The following ANKRD28 variants were observed in gnomAD, a reference collection of about 807,000 sequenced individuals.
The protein encoded by ANKRD28 is serine/threonine-protein phosphatase 6 regulatory ankyrin repeat subunit A.
In ANKRD28, 44 loss-of-function variants were observed where a neutral mutation model predicts 126.5. The ratio of observed to expected loss-of-function variants is 0.35; its 90% CI spans 0.27 to 0.45. ANKRD28 has a LOEUF of 0.45. Among genes scored for constraint, ANKRD28 ranks in the 20% least tolerant of loss-of-function variants. The pLI, the probability that ANKRD28 is intolerant of heterozygous loss-of-function variation, is 1.00. For missense variants in ANKRD28, 1,110 were observed against 1,316.6 expected (o/e 0.84, Z 2.43); for synonymous variants, 442 against 468.5 (o/e 0.94, Z 0.73).
intron 3 of ANKRD28, 21 bp downstream of exon 3, chr3:15,766,213 A>G (rs764857852): frequency 6.3e-7 from 1 of 1,578,768 alleles, no homozygotes; most frequent in South Asian, 1.1e-5. Context: ...ATGTGTTCTT[A>G]TTACTCAGAG....
chr3:15,675,203 G>A lies in ANKRD28; in HGVS notation c.2965+695C>T, dbSNP rs553938261. 9.9e-4 allele frequency among the ~76,000 whole-genome samples: 150 copies of A among 152,232 alleles called. 1 individual carries two copies. The highest frequency in any genetic ancestry group is 6.8e-3 in the Middle Eastern group (2 of 294). Reference sequence around the variant, plus strand: ...TGAGAATCGCTTGAACCCAGGAGGCGGAGGTTGCAGTAAGCCGAGATCATG... The same window carrying A: ...TGAGAATCGCTTGAACCCAGGAGGCAGAGGTTGCAGTAAGCCGAGATCATG... On this transcript the variant is annotated intron_variant, in intron 27 of 27. Transcript: ENST00000683139.
At position 15,816,063 on chromosome 3, in the gene ANKRD28, G is replaced by A. The variant is rs754843394; in HGVS notation, c.28-20757C>T. Among the ~76,000 whole-genome samples the A allele has an allele frequency of 6.6e-5, 10 of 152,054 alleles. No homozygotes were observed. The highest frequency in any genetic ancestry group is 1.9e-4 in the African/African-American group (8 of 41,406). ...ATAGTCAAGCTCAAAACAATATCAC[G>A]AGCGTATTTCTGACTGATTGAAAAC... On this transcript the variant is annotated intron_variant, in intron 1 of 27. Transcript: ENST00000399451. This position sits in a 1 kb window ranked among gnomAD's most constrained non-coding sequence, Gnocchi z 5.0.
intron 12 of ANKRD28, 151 bp downstream of exon 12, chr3:15,711,060 T>C (rs1019406429): frequency 1.0e-5 from 6 of 581,182 alleles, no homozygotes; most frequent in Non-Finnish European, 1.5e-5. Flanking sequence ...AAAAAAGTAT[T>C]CTGCCACCCT....
Position 15,694,769 on chromosome 3 carries a change from A to G in ANKRD28, c.1731T>C (p.Asn577=), listed in dbSNP as rs1294917505. 1 of 1,613,536 alleles carries G rather than the reference A, an allele frequency of 6.2e-7. No individual in the cohort carries two copies. The highest frequency in any genetic ancestry group is 8.5e-7 in the Non-Finnish European group (1 of 1,179,514). Residue 577 remains asparagine (N), a synonymous_variant, in exon 17 of 28, where the codon AAT becomes AAC. Coordinates refer to ENST00000683139, the MANE Select transcript of ANKRD28 (RefSeq NM_001349278.2). ...SGTDMLSDSD[N]RATISPLHLA... ...AGTGTAAAGGGCTTATTGTTGCTCT[A>G]TTATCTGAATCACTCAGCATGTCTG...
At chr3:15,809,784 A>G (rs1024097137) in intron 1 of ANKRD28, among the ~76,000 whole-genome samples, 1 of 152,220 alleles carries the variant, frequency 6.6e-6, no homozygotes, top group East Asian at 1.9e-4. Flanking sequence ...TAAATCATAG[A>G]TAAAATGTTG....
chr3:15,736,864 C>T (rs2075053158), intron 5 of ANKRD28, among the ~76,000 whole-genome samples, 169 bp downstream of exon 5: 1 of 152,110 alleles, frequency 6.6e-6, no homozygotes, highest in African/African-American at 2.4e-5. Context: ...GTAGTATCTA[C>T]TACATACATT....
At position 15,720,979 on chromosome 3, in the gene ANKRD28, G is replaced by A. The variant is rs757262381; in HGVS notation, c.932C>T (p.Ala311Val). The A allele has an allele frequency of 1.2e-6, 2 of 1,613,862 alleles. No homozygotes were observed. The highest frequency in any genetic ancestry group is 3.3e-5 in the Admixed American group (2 of 60,002). The part of the protein sequence containing the change: ...KGFTPLHFAA[A>V]STHGALCLEL... ...TAAACACAATGCTCCATGTGTTGAT[G>A]CAGCAGCAAAGTGCAAAGGAGTAAA... The change falls in exon 8 of 28, where the codon GCA becomes GTA. Residue 311 changes from alanine (A) to valine (V), a missense_variant. Transcript: ENST00000683139.
At chr3:15,842,423 C>G (rs1212354007) in intron 1 of ANKRD28, among the ~76,000 whole-genome samples, 1 of 150,270 alleles carries the variant, frequency 6.7e-6, no homozygotes, top group Non-Finnish European at 1.5e-5. Context: ...CCCATCCTTT[C>G]TCAGAGGCTG....
chr3:15,776,568 G>A (rs1365206307), intron 2 of ANKRD28, among the ~76,000 whole-genome samples: 1 of 152,016 alleles, frequency 6.6e-6, no homozygotes, highest in Non-Finnish European at 1.5e-5. Context: ...AAATTATAAA[G>A]AAAACCAGAA....
chr3:15,739,658 A>C (rs2075299480), intron 4 of ANKRD28, among the ~76,000 whole-genome samples: 1 of 152,212 alleles, frequency 6.6e-6, no homozygotes, highest in African/African-American at 2.4e-5. Context: ...GTACATGAAA[A>C]GTGTTAGAAA....
rs749042181 is a variant in ANKRD28, at chr3:15,737,157, A to G, written c.428T>C (p.Ile143Thr). Residue 143 changes from isoleucine (I) to threonine (T), a missense_variant, in exon 5 of 28, where the codon ATA becomes ACA. Physicochemically the swap from Ile to Thr is moderately conservative, Grantham distance 89. Transcript: ENST00000683139. ...RDKNWQTPLHIAAANKAVKCA... is the reference protein window; with the variant it reads ...RDKNWQTPLHTAAANKAVKCA... ...CTTTACAGCTTTATTAGCAGCAGCTATATGTAAAGGGGTTTGCCAATTTTT... is the reference window on the plus strand; with the variant it reads ...CTTTACAGCTTTATTAGCAGCAGCTGTATGTAAAGGGGTTTGCCAATTTTT... 3.1e-6 allele frequency: 5 copies of G among 1,614,036 alleles called. No homozygotes were observed. Among genetic ancestry groups the G allele is most frequent in the South Asian group, 2.2e-5 (2 of 91,080 alleles).
intron 14 of ANKRD28, among the ~76,000 whole-genome samples, chr3:15,705,390 CTT>C (rs370258487): frequency 2.6e-5 from 4 of 152,026 alleles, no homozygotes; most frequent in African/African-American, 9.7e-5. Flanking sequence ...AAAGTGTAAT[CTT>C]TTTTTGGGGG....
At chr3:15,714,730 C>A (rs2072797196) in intron 8 of ANKRD28, 74 bp from the exon 9 acceptor site, 4 of 950,544 alleles carry the variant, frequency 4.2e-6, no homozygotes, top group Non-Finnish European at 6.0e-6. Flanking sequence ...CTTTGAATAC[C>A]CTCTTGCATC....
intron 8 of ANKRD28, among the ~76,000 whole-genome samples, chr3:15,715,962 T>C (rs2072961699): frequency 6.6e-6 from 1 of 152,066 alleles, no homozygotes; most frequent in South Asian, 2.1e-4. Flanking sequence ...ATTTTTAATG[T>C]TAATATTTTA....
chr3:15,753,841 G>A lies in ANKRD28; in HGVS notation c.281-2021C>T, dbSNP rs1389472028. Among the ~76,000 whole-genome samples, 3 of 152,110 alleles carry A rather than the reference G, an allele frequency of 2.0e-5. No homozygotes were observed. In the East Asian group the frequency reaches 5.8e-4, roughly 29 times the overall value. ...GTGCACCTGTAAGTCTAATTACTCAGAGGCTGAGGCAGGAATCACTTGAAC... is the reference window on the plus strand; with the variant it reads ...GTGCACCTGTAAGTCTAATTACTCAAAGGCTGAGGCAGGAATCACTTGAAC... On this transcript the variant is annotated intron_variant, in intron 3 of 27. Transcript: ENST00000683139.
intron 3 of ANKRD28, among the ~76,000 whole-genome samples, chr3:15,752,755 C>G (rs182656179): frequency 2.8e-4 from 42 of 152,216 alleles, no homozygotes; most frequent in African/African-American, 9.9e-4. Context: ...TCAACTATAA[C>G]AGAAACAAAG....
chr3:15,737,762 G>A (rs2075128995), intron 4 of ANKRD28, among the ~76,000 whole-genome samples: 1 of 151,946 alleles, frequency 6.6e-6, no homozygotes, highest in Admixed American at 6.6e-5. Context: ...CAGTCATAGA[G>A]CCACACCTGG....
intron 3 of ANKRD28, chr3:15,756,475 C>G: frequency 1.0e-6 from 1 of 981,648 alleles, no homozygotes. Context: ...ACTTGATTTA[C>G]TTACTTACAT....
intron 13 of ANKRD28, among the ~76,000 whole-genome samples, chr3:15,708,343 C>G (rs1205541975): frequency 6.6e-6 from 1 of 152,124 alleles, no homozygotes; most frequent in Non-Finnish European, 1.5e-5. Context: ...GAGTGACTTT[C>G]AAATAACCTT....
Sources: gnomAD v4.1 joint callset for allele counts (sites outside exome capture counted in the v4.1 genomes callset) on GRCh38, gnomAD v4.1.1 for gene constraint, Gnocchi (gnomAD v3.1) non-coding constraint, MANE v1.5 for transcripts, NCBI Gene and HGNC (gene_info 2026-07-23, HGNC 2026-07-21) for gene names.